ASTN1: variants seen among roughly 807,000 people sequenced by gnomAD.
ASTN1 encodes astrotactin 1.
ASTN1 carries 41 observed loss-of-function variants against 140.7 expected under a neutral mutation model. The ratio of observed to expected loss-of-function variants is 0.29; its 90% CI spans 0.23 to 0.38. The LOEUF (loss-of-function observed/expected upper bound fraction) is 0.38, where lower values mean the gene tolerates loss of function less well. Ranked by LOEUF, ASTN1 falls within the 10% of genes least tolerant of loss-of-function variation. The pLI, the probability that ASTN1 is intolerant of heterozygous loss-of-function variation, is 1.00. For missense variants in ASTN1, 1,479 were observed against 1,678.8 expected (o/e 0.88, Z 2.08); for synonymous variants, 640 against 652.2 (o/e 0.98, Z 0.29).
chr1:177,033,457 A>G (rs895909986), intron 2 of ASTN1, among the ~76,000 whole-genome samples: 3 of 152,332 alleles, frequency 2.0e-5, no homozygotes, highest in Non-Finnish European at 4.4e-5. Flanking sequence ...AGCATAATAT[A>G]TCTCACACAA....
intron 2 of ASTN1, among the ~76,000 whole-genome samples, chr1:177,037,083 G>C (rs922381637): frequency 6.6e-6 from 1 of 152,180 alleles, no homozygotes; most frequent in African/African-American, 2.4e-5. Context: ...GCCTCCCAAA[G>C]TGGTGGGATT....
chr1:177,048,681 A>G (rs1374103807), intron 2 of ASTN1, among the ~76,000 whole-genome samples: 1 of 152,178 alleles, frequency 6.6e-6, no homozygotes, highest in African/African-American at 2.4e-5. Flanking sequence ...GGCTCTTCCC[A>G]TGGCTTGCTC....
intron 8 of ASTN1, among the ~76,000 whole-genome samples, chr1:176,990,263 C>A: frequency 6.6e-6 from 1 of 151,488 alleles, no homozygotes. Context: ...GGAGAAGAGG[C>A]TGGATTTTTT....
At chr1:176,897,568 AG>A (rs377732001) in intron 16 of ASTN1, among the ~76,000 whole-genome samples, 167 of 149,956 alleles carry the variant, frequency 1.1e-3, no homozygotes, top group African/African-American at 3.9e-3. Context: ...CGTGAGCGGG[AG>A]GAAAAAAAAA....
At chr1:176,904,645 G>T (rs1020108937) in intron 16 of ASTN1, among the ~76,000 whole-genome samples, 2 of 152,266 alleles carry the variant, frequency 1.3e-5, no homozygotes, top group Non-Finnish European at 2.9e-5. Context: ...CTTCCTCCGC[G>T]CCCCCAGCCT....
At chr1:176,948,451 C>T (rs1672044713) in intron 12 of ASTN1, among the ~76,000 whole-genome samples, 1 of 152,174 alleles carries the variant, frequency 6.6e-6, no homozygotes, top group Non-Finnish European at 1.5e-5. Flanking sequence ...TTCCAGAGAA[C>T]CACAGAACTT....
At chr1:177,058,241 G>A (rs960150920) in intron 2 of ASTN1, among the ~76,000 whole-genome samples, 2 of 152,130 alleles carry the variant, frequency 1.3e-5, no homozygotes, top group South Asian at 2.1e-4. Context: ...TTCCTGTTCT[G>A]TGGAAGTCAA....
chr1:177,023,596 T>C (rs886897117), intron 6 of ASTN1, 25 bp from the exon 7 acceptor site: 10 of 1,549,424 alleles, frequency 6.5e-6, no homozygotes, highest in Non-Finnish European at 8.7e-6. Context: ...AAAGGAAGCA[T>C]GCCTATATGT....
chr1:177,115,655 AAAATAAATAAATAAAT>A (rs3041964), intron 1 of ASTN1, among the ~76,000 whole-genome samples: 72 of 141,966 alleles, frequency 5.1e-4, no homozygotes, highest in Non-Finnish European at 8.7e-4. Flanking sequence ...AGACTGTGTC[AAAATAAATAAATAAAT>A]AAATAAATAA....
chr1:176,969,232 C>T (rs1269490417), intron 8 of ASTN1, among the ~76,000 whole-genome samples: 2 of 152,162 alleles, frequency 1.3e-5, no homozygotes, highest in Admixed American at 6.5e-5. Flanking sequence ...TGCCTGTAAG[C>T]AGGGTCTAAA....
chr1:176,980,471 T>G (rs924024733), intron 8 of ASTN1, among the ~76,000 whole-genome samples: 1 of 140,510 alleles, frequency 7.1e-6, no homozygotes, highest in Middle Eastern at 3.5e-3. Context: ...TCTATGAGAC[T>G]CTCCCAAACT....
rs114047234 is a variant in ASTN1 at position 176,932,385 on chromosome 1, T to C, written c.2671+1767A>G. Among the ~76,000 whole-genome samples, 1,066 of 152,226 alleles carry C rather than the reference T, an allele frequency of 7.0e-3. 15 individuals carry two copies. Among genetic ancestry groups the C allele is most frequent in the African/African-American group, 0.024 (1,002 of 41,472 alleles). ...TTTGTCTTACGCACGTATCATTCTT[T>C]ATCAGTGACATTCCCTTTTGCTGCA... On this transcript the variant is annotated intron_variant, in intron 16 of 22. Transcript: ENST00000361833.
chr1:177,057,572 A>T (rs1383288989), intron 2 of ASTN1, among the ~76,000 whole-genome samples: 1 of 152,206 alleles, frequency 6.6e-6, no homozygotes, highest in Admixed American at 6.5e-5. Context: ...AATAGTTAGG[A>T]TTATTAGTTA....
At chr1:177,114,658 G>A (rs1295774840) in intron 1 of ASTN1, among the ~76,000 whole-genome samples, 2 of 152,108 alleles carry the variant, frequency 1.3e-5, no homozygotes, top group African/African-American at 2.4e-5. Context: ...TTCTGTGTAT[G>A]TGGTGCTGTG....
intron 14 of ASTN1, among the ~76,000 whole-genome samples, chr1:176,938,714 C>T (rs372024896): frequency 6.6e-6 from 1 of 152,196 alleles, no homozygotes; most frequent in Non-Finnish European, 1.5e-5. Context: ...TTAGGGAGGC[C>T]ACTCATTTAC....
At chr1:177,145,860 T>G (rs938925378) in intron 1 of ASTN1, among the ~76,000 whole-genome samples, 2 of 152,216 alleles carry the variant, frequency 1.3e-5, no homozygotes, top group African/African-American at 4.8e-5. Context: ...TCAGGGTCAG[T>G]TCCCAGCTGA....
At chr1:176,953,934 T>C (rs745782704) in intron 11 of ASTN1, among the ~76,000 whole-genome samples, 1 of 152,226 alleles carries the variant, frequency 6.6e-6, no homozygotes, top group Non-Finnish European at 1.5e-5. Flanking sequence ...CATTAGAGCA[T>C]GGGTTTTCCT....
chr1:177,025,054 T>G (rs1676038578), intron 5 of ASTN1, among the ~76,000 whole-genome samples: 1 of 152,132 alleles, frequency 6.6e-6, no homozygotes, highest in Admixed American at 6.5e-5. Flanking sequence ...CTTACTAAGC[T>G]CCAGGCTTTT....
At chr1:177,128,281 A>G (rs994053170) in intron 1 of ASTN1, among the ~76,000 whole-genome samples, 19 of 152,132 alleles carry the variant, frequency 1.2e-4, no homozygotes, top group African/African-American at 4.1e-4. Context: ...CCTCACCCCA[A>G]ATTTTCTTAT....
Sources: gnomAD v4.1 joint callset for allele counts (sites outside exome capture counted in the v4.1 genomes callset) on GRCh38, gnomAD v4.1.1 for gene constraint, MANE v1.5 for transcripts, NCBI Gene and HGNC (gene_info 2026-07-23, HGNC 2026-07-21) for gene names.